The following NYAP2 variants were observed in gnomAD, a reference collection of about 807,000 sequenced individuals.
NYAP2 encodes the protein neuronal tyrosine-phosphorylated phosphoinositide-3-kinase adaptor 2.
Under a neutral mutation model 50.4 loss-of-function variants are expected in NYAP2, and 23 were observed. The observed-to-expected ratio is 0.46, with a 90% CI of 0.33 to 0.65. The LOEUF is 0.65. Among genes scored for constraint, NYAP2 ranks in the 30% least tolerant of loss-of-function variants. NYAP2 has a pLI of 0.02. For synonymous variants in NYAP2, 394 were observed against 365.2 expected (o/e 1.08, Z -0.90); for missense variants, 885 against 861.0 (o/e 1.03, Z -0.35).
chr2:225,444,366 A>G (rs1178056690), intron 3 of NYAP2, among the ~76,000 whole-genome samples: 1 of 152,232 alleles, frequency 6.6e-6, no homozygotes, highest in East Asian at 1.9e-4. Flanking sequence ...CATCATCTGT[A>G]TCTCCACTGC....
chr2:225,533,895 A>T lies in NYAP2; in HGVS notation c.523+20223A>T, dbSNP rs142505762. Among the ~76,000 whole-genome samples, 3 of 152,314 alleles carry T rather than the reference A, an allele frequency of 2.0e-5. No homozygotes were observed. The South Asian group carries it at 6.2e-4, about 32-fold the overall frequency. On this transcript the variant is annotated intron_variant, in intron 4 of 6. Coordinates refer to ENST00000636099, the Ensembl canonical transcript of NYAP2. ...TTTACATGTCATATAAACATTTGCT[A>T]TCAGATAAAGGAAGCCAGAGTTATA...
intron 4 of NYAP2, among the ~76,000 whole-genome samples, chr2:225,575,388 TA>T (rs1263064001): frequency 6.6e-6 from 1 of 152,176 alleles, no homozygotes; most frequent in Non-Finnish European, 1.5e-5. Flanking sequence ...TTTAGAGATG[TA>T]AAAAGCAATG....
chr2:225,659,780 T>G, the NYAP2 span, among the ~76,000 whole-genome samples: 1 of 152,244 alleles, frequency 6.6e-6, no homozygotes, highest in South Asian at 2.1e-4. Flanking sequence ...AACATAGGTG[T>G]GTAAAGTCCT....
intron 3 of NYAP2, among the ~76,000 whole-genome samples, chr2:225,455,094 A>AAAAAC (rs923526689): frequency 2.6e-5 from 4 of 152,122 alleles, no homozygotes; most frequent in Middle Eastern, 3.2e-3. Context: ...GGAAAAGGCA[A>AAAAAC]AAAACAAAAC....
At chr2:225,601,512 T>C (rs1006543988) in intron 5 of NYAP2, among the ~76,000 whole-genome samples, 19 of 152,182 alleles carry the variant, frequency 1.2e-4, no homozygotes, top group African/African-American at 4.1e-4. Flanking sequence ...CCACCAGCAA[T>C]GCACAAAAGT....
chr2:225,447,647 GA>G (rs913536921), intron 3 of NYAP2, among the ~76,000 whole-genome samples: 3 of 152,040 alleles, frequency 2.0e-5, no homozygotes, highest in African/African-American at 7.2e-5. Flanking sequence ...TAGAATGCAT[GA>G]AAAAATCAAA....
chr2:225,645,543 T>C (rs17482767), intron 6 of NYAP2, among the ~76,000 whole-genome samples: 42,288 of 151,952 alleles, frequency 0.28, 6,185 homozygotes, highest in Admixed American at 0.4. Context: ...TCTTATTCTC[T>C]TTACACTTGA....
chr2:225,442,386 C>T (rs1322537427), intron 3 of NYAP2, among the ~76,000 whole-genome samples: 1 of 152,120 alleles, frequency 6.6e-6, no homozygotes, highest in Non-Finnish European at 1.5e-5. Context: ...GAAGGCAAAT[C>T]ACCAAATATC....
chr2:225,419,270 C>T (rs80148078), intron 3 of NYAP2, among the ~76,000 whole-genome samples: 1,634 of 152,278 alleles, frequency 0.011, 27 homozygotes, highest in African/African-American at 0.037. Context: ...AAAGATGCTC[C>T]GATAACGGGA....
chr2:225,462,120 C>T (rs1054336436), intron 3 of NYAP2, among the ~76,000 whole-genome samples: 3 of 152,268 alleles, frequency 2.0e-5, no homozygotes, highest in Middle Eastern at 3.4e-3. Context: ...GTACTGTGTA[C>T]ATATACACTG....
the NYAP2 span, among the ~76,000 whole-genome samples, chr2:225,695,604 CTCT>C: frequency 1.3e-5 from 2 of 151,324 alleles, no homozygotes; most frequent in Non-Finnish European, 3.0e-5. Context: ...GAAGCCTGTC[CTCT>C]GGGAATTCTG....
chr2:225,666,868 C>T, the NYAP2 span, among the ~76,000 whole-genome samples: 1 of 141,080 alleles, frequency 7.1e-6, no homozygotes, highest in Non-Finnish European at 1.5e-5. Flanking sequence ...CCCCCCAACA[C>T]ACACACAGAG....
intron 5 of NYAP2, among the ~76,000 whole-genome samples, chr2:225,625,751 T>TA (rs1553557926): frequency 6.6e-6 from 1 of 152,110 alleles, no homozygotes; most frequent in African/African-American, 2.4e-5. Context: ...CCGATGATAT[T>TA]AAAGAGCTTA....
intron 4 of NYAP2, among the ~76,000 whole-genome samples, chr2:225,523,974 T>C (rs1012005592): frequency 6.6e-5 from 10 of 152,182 alleles, no homozygotes; most frequent in African/African-American, 2.4e-4. Context: ...CTCTATTTAA[T>C]GCTTCTGGGA....
At chr2:225,426,232 C>A (rs955468077) in intron 3 of NYAP2, among the ~76,000 whole-genome samples, 4 of 151,886 alleles carry the variant, frequency 2.6e-5, no homozygotes, top group African/African-American at 9.7e-5. Context: ...TCCTTCCAAG[C>A]CACATTTTAC....
chr2:225,534,026 C>T (rs544583684), intron 4 of NYAP2, among the ~76,000 whole-genome samples: 3 of 151,902 alleles, frequency 2.0e-5, no homozygotes, highest in Admixed American at 6.6e-5. Flanking sequence ...ACTGGCTTGA[C>T]AGGGAATACA....
At chr2:225,568,831 C>T (rs912442195) in intron 4 of NYAP2, among the ~76,000 whole-genome samples, 4 of 152,092 alleles carry the variant, frequency 2.6e-5, no homozygotes, top group African/African-American at 9.7e-5. Flanking sequence ...ATCTGAGTGA[C>T]ACAAAGAAGT....
intron 3 of NYAP2, among the ~76,000 whole-genome samples, chr2:225,497,371 C>T (rs992436133): frequency 7.2e-5 from 11 of 152,142 alleles, no homozygotes; most frequent in African/African-American, 1.9e-4. Context: ...TCTTAAGTAG[C>T]GTCTTTAGTG....
chr2:225,595,841 C>T (rs1041635621), intron 5 of NYAP2, among the ~76,000 whole-genome samples: 2 of 152,166 alleles, frequency 1.3e-5, no homozygotes, highest in African/African-American at 4.8e-5. Context: ...GCTGTACTTG[C>T]TGCCTCCATT....
Sources: gnomAD v4.1 joint callset for allele counts (sites outside exome capture counted in the v4.1 genomes callset) on GRCh38, gnomAD v4.1.1 for gene constraint, MANE v1.5 for transcripts, NCBI Gene and HGNC (gene_info 2026-07-23, HGNC 2026-07-21) for gene names.